The following RBFOX1 variants were observed in gnomAD, a reference collection of about 807,000 sequenced individuals.
RBFOX1 encodes RNA binding protein fox-1 homolog 1.
A neutral mutation model predicts 57.7 loss-of-function variants in RBFOX1; 8 were observed. The observed-to-expected ratio is 0.14, with a 90% CI of 0.08 to 0.25. The LOEUF (loss-of-function observed/expected upper bound fraction) is 0.25. RBFOX1 is among the 10% of genes least tolerant of loss of function. The probability of loss-of-function intolerance (pLI) is 1.00; values close to 1 mark genes in which losing one functional copy is unlikely to be tolerated. For synonymous variants in RBFOX1, 326 were observed against 222.4 expected (o/e 1.47, Z -4.15); for missense variants, 611 against 548.5 (o/e 1.11, Z -1.14).
chr16:5,860,508 C>A (rs2057186071), intron 3 of RBFOX1, among the ~76,000 whole-genome samples: 1 of 152,162 alleles, frequency 6.6e-6, no homozygotes, highest in East Asian at 1.9e-4. Flanking sequence ...TTGCTTGCTC[C>A]CATTTGTCAA....
intron 2 of RBFOX1, among the ~76,000 whole-genome samples, chr16:6,341,936 C>A (rs776716249): frequency 1.3e-5 from 2 of 152,154 alleles, no homozygotes; most frequent in Admixed American, 6.5e-5. Flanking sequence ...TAATTTCTTG[C>A]GTAAGGTCAA....
In RBFOX1 at chr16:7,397,985, A is replaced by G. The variant is rs550726586; in HGVS notation, c.28-120162A>G. On this transcript the variant is annotated intron_variant, in intron 4 of 15. Transcript: ENST00000550418. The stretch of plus-strand genomic sequence containing the variant: ...GCTTTATGTTATAAACCACCAAGAC[A>G]TCTAAGCTTCTTCCCTTACGGCCGT... 6.6e-5 allele frequency among the ~76,000 whole-genome samples: 10 copies of G among 152,302 alleles called. No individual in the cohort carries two copies. The South Asian group carries it at 1.7e-3, about 25-fold the overall frequency.
intron 4 of RBFOX1, among the ~76,000 whole-genome samples, chr16:7,313,579 G>T (rs1171277399): frequency 6.6e-6 from 1 of 151,340 alleles, no homozygotes; most frequent in Non-Finnish European, 1.5e-5. Context: ...AGATAAGCCA[G>T]CCTTCTTCCA....
intron 4 of RBFOX1, among the ~76,000 whole-genome samples, chr16:7,497,006 T>C (rs1459862318): frequency 1.3e-5 from 2 of 152,158 alleles, no homozygotes; most frequent in Non-Finnish European, 1.5e-5. Flanking sequence ...CTCCCATAAA[T>C]GACCACAGTC....
chr16:6,101,333 A>T (rs2096305206), intron 1 of RBFOX1, among the ~76,000 whole-genome samples: 1 of 152,130 alleles, frequency 6.6e-6, no homozygotes, highest in Non-Finnish European at 1.5e-5. Context: ...AAAACCACAG[A>T]GCATTTTCCT....
intron 1 of RBFOX1, among the ~76,000 whole-genome samples, chr16:6,273,472 G>A (rs1470168055): frequency 6.7e-6 from 1 of 149,586 alleles, no homozygotes; most frequent in Non-Finnish European, 1.5e-5. Context: ...AGCCTCCTGA[G>A]TAGCTGGGAT....
intron 2 of RBFOX1, among the ~76,000 whole-genome samples, chr16:6,462,689 GT>G (rs1441823347): frequency 6.6e-6 from 1 of 151,666 alleles, no homozygotes; most frequent in Non-Finnish European, 1.5e-5. Context: ...ATATTACCAT[GT>G]TTTTACCCCC....
rs1343434174 is a variant in RBFOX1 at position 6,317,017 on chromosome 16, C to T, written c.-104C>T. 1 of 1,535,504 alleles carries T rather than the reference C, an allele frequency of 6.5e-7. No homozygotes were observed. Among genetic ancestry groups the T allele is most frequent in the South Asian group, 1.2e-5 (1 of 83,994 alleles). On this transcript the variant is annotated 5_prime_UTR_variant, in exon 2 of 16. The change creates a premature stop within an existing upstream ORF in the 5' untranslated region. Coordinates refer to ENST00000550418, the MANE Select transcript of RBFOX1 (RefSeq NM_018723.4). ...TAGGAAACTGGTCAAAGAACTCATGCAAGTGGAACTTACAGCTTCCTTGAT... is the reference window on the plus strand; with the variant it reads ...TAGGAAACTGGTCAAAGAACTCATGTAAGTGGAACTTACAGCTTCCTTGAT...
At chr16:5,731,589 G>C (rs1396035208) in intron 3 of RBFOX1, among the ~76,000 whole-genome samples, 1 of 152,148 alleles carries the variant, frequency 6.6e-6, no homozygotes, top group Non-Finnish European at 1.5e-5. Context: ...AGCAAATATA[G>C]CTCAAGAATG....
chr16:5,545,197 T>G (rs1029773183), intron 2 of RBFOX1, among the ~76,000 whole-genome samples: 8 of 152,100 alleles, frequency 5.3e-5, no homozygotes, highest in Admixed American at 1.3e-4. Flanking sequence ...AGGCTGGTCT[T>G]GAAACCTTGA....
chr16:7,614,667 G>A (rs1278201390), intron 10 of RBFOX1: 6 of 152,152 alleles, frequency 3.9e-5, no homozygotes, highest in East Asian at 3.9e-4. Flanking sequence ...TTGGATATCC[G>A]ACTCTGGAAA....
intron 2 of RBFOX1, among the ~76,000 whole-genome samples, chr16:6,466,009 A>C (rs1360384097): frequency 6.6e-6 from 1 of 152,000 alleles, no homozygotes; most frequent in Non-Finnish European, 1.5e-5. Flanking sequence ...TGGGTGGATC[A>C]CTTGAGGTCA....
At chr16:6,817,003 C>T (rs1470929718) in intron 3 of RBFOX1, among the ~76,000 whole-genome samples, 3 of 152,096 alleles carry the variant, frequency 2.0e-5, no homozygotes, top group East Asian at 1.9e-4. Flanking sequence ...CTGCCTCTGC[C>T]TCCCAAAGTG....
intron 14 of RBFOX1, among the ~76,000 whole-genome samples, chr16:7,678,616 C>T (rs1053893440): frequency 2.0e-5 from 3 of 151,616 alleles, no homozygotes; most frequent in Admixed American, 1.3e-4. Flanking sequence ...CATCTATCCC[C>T]AAGTTGAAAA....
intron 3 of RBFOX1, among the ~76,000 whole-genome samples, chr16:6,924,696 T>C (rs976102408): frequency 6.6e-6 from 1 of 152,038 alleles, no homozygotes; most frequent in Non-Finnish European, 1.5e-5. Flanking sequence ...TTATTATTAT[T>C]ATACTTTAAG....
intron 4 of RBFOX1, among the ~76,000 whole-genome samples, chr16:7,404,318 G>C (rs2098298040): frequency 6.6e-6 from 1 of 152,144 alleles, no homozygotes; most frequent in African/African-American, 2.4e-5. Context: ...CTCCCAAAGT[G>C]CTGGGATTCC....
At chr16:6,968,465 C>G (rs750802140) in intron 3 of RBFOX1, among the ~76,000 whole-genome samples, 8 of 152,226 alleles carry the variant, frequency 5.3e-5, no homozygotes, top group East Asian at 1.9e-4. Context: ...CTATCCGGAC[C>G]GAAAAACTGA....
At chr16:7,185,567 T>A (rs2083559344) in intron 4 of RBFOX1, among the ~76,000 whole-genome samples, 1 of 152,228 alleles carries the variant, frequency 6.6e-6, no homozygotes, top group South Asian at 2.1e-4. Context: ...TGGGATACAG[T>A]GGTTTTCAAG....
At chr16:6,116,051 A>G (rs914299174) in intron 1 of RBFOX1, among the ~76,000 whole-genome samples, 14 of 152,340 alleles carry the variant, frequency 9.2e-5, no homozygotes, top group Admixed American at 4.6e-4. Context: ...CTTGATAAAG[A>G]AAATGTGGCA....
Sources: gnomAD v4.1 joint callset for allele counts (sites outside exome capture counted in the v4.1 genomes callset) on GRCh38, gnomAD v4.1.1 for gene constraint, MANE v1.5 for transcripts, NCBI Gene and HGNC (gene_info 2026-07-23, HGNC 2026-07-21) for gene names.